DCDC1: variants seen among roughly 807,000 people sequenced by gnomAD.
The protein encoded by DCDC1 is doublecortin domain containing 1, also known as doublecortin domain-containing protein 1.
DCDC1 carries 200 observed loss-of-function variants against 178.3 expected under a neutral mutation model. That is an observed-to-expected ratio of 1.12 (90% CI 1.00 to 1.26). The LOEUF (loss-of-function observed/expected upper bound fraction) is 1.26, where lower values mean the gene tolerates loss of function less well. Ranked by LOEUF, DCDC1 falls within the 50% of genes most tolerant of loss-of-function variation. DCDC1 has a pLI of 0.00. For synonymous variants in DCDC1, 690 were observed against 604.8 expected, an observed-to-expected ratio of 1.14 and a Z score of -2.07; for missense variants, 1,983 against 1,749.2, an observed-to-expected ratio of 1.13 and a Z score of -2.38.
At chr11:31,178,853 T>C (rs1180362581) in intron 9 of DCDC1, among the ~76,000 whole-genome samples, 2 of 151,900 alleles carry the variant, frequency 1.3e-5, no homozygotes, top group Admixed American at 1.3e-4. Context: ...CCACCACACC[T>C]GGCTAATTTT....
intron 20 of DCDC1, among the ~76,000 whole-genome samples, chr11:31,011,961 G>A (rs951691736): frequency 2.6e-5 from 4 of 152,112 alleles, no homozygotes; most frequent in African/African-American, 9.7e-5. Flanking sequence ...GGAGGTGATT[G>A]GATTATGAGG....
chr11:31,151,694 A>G (rs987643658), intron 9 of DCDC1, among the ~76,000 whole-genome samples: 1 of 152,234 alleles, frequency 6.6e-6, no homozygotes, highest in Non-Finnish European at 1.5e-5. Flanking sequence ...CATGTAAAGT[A>G]CGTGAATGTT....
At chr11:31,210,753 G>GAAGCAA (rs1324009888) in intron 9 of DCDC1, among the ~76,000 whole-genome samples, 1 of 148,906 alleles carries the variant, frequency 6.7e-6, no homozygotes, top group Non-Finnish European at 1.5e-5. Flanking sequence ...AAAGAAAAAA[G>GAAGCAA]AAGCAAAAGA....
chr11:31,154,637 G>A (rs976982368), intron 9 of DCDC1, among the ~76,000 whole-genome samples: 1 of 152,132 alleles, frequency 6.6e-6, no homozygotes, highest in African/African-American at 2.4e-5. Flanking sequence ...GAAAATTATG[G>A]CTGGGATAAA....
intron 9 of DCDC1, among the ~76,000 whole-genome samples, chr11:31,146,302 T>C (rs995875027): frequency 6.6e-6 from 1 of 152,090 alleles, no homozygotes; most frequent in East Asian, 1.9e-4. Flanking sequence ...GCCAGGCTGG[T>C]CTTGAACTCC....
intron 11 of DCDC1, among the ~76,000 whole-genome samples, chr11:31,124,554 C>G (rs1961317459): frequency 1.3e-5 from 2 of 152,072 alleles, no homozygotes; most frequent in African/African-American, 4.8e-5. Context: ...CTACAGTAAA[C>G]AAAACAGCAT....
chr11:31,233,419 T>TA (rs1976063502), intron 9 of DCDC1, among the ~76,000 whole-genome samples: 1 of 152,206 alleles, frequency 6.6e-6, no homozygotes, highest in Non-Finnish European at 1.5e-5. Context: ...CAACACTGGT[T>TA]AACACACAGA....
chr11:31,116,040 C>T lies in DCDC1; in HGVS notation c.1486-5679G>A, dbSNP rs1309663127. Among the ~76,000 whole-genome samples, 4 of 142,788 alleles carry T rather than the reference C, an allele frequency of 2.8e-5. No individual in the cohort carries two copies. The Admixed American group carries it at 2.9e-4, about 10-fold the overall frequency. The allele number at this position is 142,788 out of a possible 152,430, so 93.7% of individuals were successfully genotyped here. ...AGGGAATCTGGGCAGTGTGGCACAG[C>T]ATCCACTCCACACACACATGATAGG... is the stretch of plus-strand genomic sequence containing the variant. On this transcript the variant is annotated intron_variant, in intron 11 of 38. Transcript: ENST00000684477.
At chr11:31,138,616 G>A (rs900577355) in intron 9 of DCDC1, among the ~76,000 whole-genome samples, 4 of 152,132 alleles carry the variant, frequency 2.6e-5, no homozygotes, top group African/African-American at 4.8e-5. Flanking sequence ...TTTCCTTATT[G>A]AGGATTGGAG....
chr11:31,131,380 A>G (rs971710834), intron 10 of DCDC1, among the ~76,000 whole-genome samples: 2 of 152,150 alleles, frequency 1.3e-5, no homozygotes, highest in African/African-American at 4.8e-5. Context: ...TCCTTTTCTT[A>G]CTTTTTGGAA....
At chr11:31,105,194 CA>C (rs1044820138) in intron 13 of DCDC1, among the ~76,000 whole-genome samples, 2 of 151,602 alleles carry the variant, frequency 1.3e-5, no homozygotes, top group African/African-American at 4.8e-5. Context: ...GACTGGAAAC[CA>C]AAAAAATACA....
chr11:30,870,751 A>G (rs758516357), intron 38 of DCDC1, among the ~76,000 whole-genome samples: 12 of 152,154 alleles, frequency 7.9e-5, no homozygotes, highest in Non-Finnish European at 1.5e-4. Context: ...ACAGATTCTA[A>G]CCTCAATTTT....
intron 11 of DCDC1, among the ~76,000 whole-genome samples, chr11:31,125,204 T>C (rs1961428836): frequency 6.6e-6 from 1 of 151,966 alleles, no homozygotes; most frequent in Non-Finnish European, 1.5e-5. Context: ...GTTAGAGAAA[T>C]GCAAATCAAA....
intron 36 of DCDC1, chr11:30,881,996 C>CA (rs1420597991): frequency 6.5e-6 from 1 of 153,624 alleles, no homozygotes; most frequent in Non-Finnish European, 1.5e-5. Context: ...AACTTTAAGA[C>CA]AAAATAATAA....
At chr11:31,143,969 A>G (rs1964148994) in intron 9 of DCDC1, among the ~76,000 whole-genome samples, 1 of 152,280 alleles carries the variant, frequency 6.6e-6, no homozygotes. Flanking sequence ...AGTTTAAGAG[A>G]GAAGGTATAA....
chr11:31,215,612 G>A (rs1037412601), intron 9 of DCDC1, among the ~76,000 whole-genome samples: 1 of 151,992 alleles, frequency 6.6e-6, no homozygotes, highest in African/African-American at 2.4e-5. Flanking sequence ...GGCCAACATG[G>A]TGAAACCCCA....
chr11:31,208,524 T>A (rs1362785665), intron 9 of DCDC1, among the ~76,000 whole-genome samples: 1 of 152,188 alleles, frequency 6.6e-6, no homozygotes, highest in African/African-American at 2.4e-5. Context: ...CAATGCCTCC[T>A]CCACATACGA....
chr11:31,171,283 A>G (rs1265743532), intron 9 of DCDC1, among the ~76,000 whole-genome samples: 1 of 152,102 alleles, frequency 6.6e-6, no homozygotes, highest in Non-Finnish European at 1.5e-5. Flanking sequence ...TGGCCATACA[A>G]TTTCTGTTGC....
intron 20 of DCDC1, among the ~76,000 whole-genome samples, chr11:31,030,686 T>A (rs2135272316): frequency 6.6e-6 from 1 of 152,274 alleles, no homozygotes; most frequent in East Asian, 1.9e-4. Context: ...TTTGCGGATG[T>A]CTGCCTGGGT....
Sources: gnomAD v4.1 joint callset for allele counts (sites outside exome capture counted in the v4.1 genomes callset) on GRCh38, gnomAD v4.1.1 for gene constraint, MANE v1.5 for transcripts, NCBI Gene and HGNC (gene_info 2026-07-23, HGNC 2026-07-21) for gene names.